The following SUGCT variants were observed in gnomAD, a reference collection of about 807,000 sequenced individuals.
SUGCT encodes the protein succinyl-CoA:glutarate CoA-transferase.
SUGCT carries 41 observed loss-of-function variants against 55.0 expected under a neutral mutation model. That is an observed-to-expected ratio of 0.74 (90% CI 0.58 to 0.97). The LOEUF (loss-of-function observed/expected upper bound fraction) is 0.97. Among genes scored for constraint, SUGCT ranks in the 50% least tolerant of loss-of-function variants. The pLI is 0.00. For missense variants in SUGCT, 568 were observed against 547.8 expected, an observed-to-expected ratio of 1.04 and a Z score of -0.37; for synonymous variants, 187 against 200.4, an observed-to-expected ratio of 0.93 and a Z score of 0.56.
chr7:40,650,268 T>A (rs1800711406), intron 12 of SUGCT, among the ~76,000 whole-genome samples: 1 of 152,204 alleles, frequency 6.6e-6, no homozygotes, highest in South Asian at 2.1e-4. Context: ...GACATTATGC[T>A]ACCTCTACCA....
intron 6 of SUGCT, among the ~76,000 whole-genome samples, chr7:40,224,695 C>T (rs1291085450): frequency 6.6e-6 from 1 of 152,084 alleles, no homozygotes; most frequent in African/African-American, 2.4e-5. Context: ...CTGTAAATGG[C>T]AAAAATATGC....
At chr7:40,349,006 G>A (rs1369625236) in intron 9 of SUGCT, among the ~76,000 whole-genome samples, 1 of 152,098 alleles carries the variant, frequency 6.6e-6, no homozygotes, top group Non-Finnish European at 1.5e-5. Flanking sequence ...TGCACCTGGA[G>A]GACTCTGTTC....
At chr7:40,411,631 G>A (rs1414550505) in intron 9 of SUGCT, among the ~76,000 whole-genome samples, 4 of 152,088 alleles carry the variant, frequency 2.6e-5, no homozygotes, top group Non-Finnish European at 5.9e-5. Flanking sequence ...GCAGGGAGAG[G>A]GGGGACAAAC....
rs141718618 is a variant in SUGCT at position 40,229,369 on chromosome 7, A to G, written c.485-8266A>G. The stretch of plus-strand genomic sequence containing the variant: ...CCCTGTCTCTACTAAAAATACAAAC[A>G]TTAACCGGGCATGGTGGCATGCGCC... On this transcript the variant is annotated intron_variant, in intron 6 of 13. Coordinates refer to ENST00000335693, the MANE Select transcript of SUGCT (RefSeq NM_001193313.2). Among the ~76,000 whole-genome samples the G allele has an allele frequency of 2.7e-3, 416 of 152,254 alleles. 1 individual carries two copies. Among genetic ancestry groups the G allele is most frequent in the African/African-American group, 9.5e-3 (394 of 41,532 alleles).
chr7:40,499,117 C>T (rs1459781701), intron 12 of SUGCT: 5 of 456,532 alleles, frequency 1.1e-5, no homozygotes, highest in East Asian at 6.9e-5. Context: ...ACCACTGGCG[C>T]GTGTGGCCCA....
chr7:40,333,289 G>A (rs1296725683), intron 9 of SUGCT, among the ~76,000 whole-genome samples: 1 of 151,912 alleles, frequency 6.6e-6, no homozygotes, highest in Non-Finnish European at 1.5e-5. Context: ...AATAATGCTG[G>A]ACAAATATAT....
intron 12 of SUGCT, among the ~76,000 whole-genome samples, chr7:40,650,458 A>G (rs1299140860): frequency 6.6e-6 from 1 of 152,168 alleles, no homozygotes; most frequent in Non-Finnish European, 1.5e-5. Flanking sequence ...GAGATCATTT[A>G]GAGGAATCCA....
chr7:40,651,409 A>T (rs908791676), intron 12 of SUGCT, among the ~76,000 whole-genome samples: 1 of 150,060 alleles, frequency 6.7e-6, no homozygotes, highest in East Asian at 1.9e-4. Flanking sequence ...GTGTCTGTTC[A>T]TGTCCTTTGC....
chr7:40,967,596 G>A, the SUGCT span, among the ~76,000 whole-genome samples: 2 of 151,758 alleles, frequency 1.3e-5, no homozygotes, highest in Admixed American at 1.3e-4. Context: ...CCAAATTATG[G>A]GAACTTCTGG....
chr7:40,542,256 A>G (rs1315762342), intron 12 of SUGCT, among the ~76,000 whole-genome samples: 2 of 152,218 alleles, frequency 1.3e-5, no homozygotes, highest in Non-Finnish European at 2.9e-5. Flanking sequence ...CATCATCATC[A>G]TCATCATCAT....
At chr7:40,913,441 A>G in the SUGCT span, among the ~76,000 whole-genome samples, 2 of 152,218 alleles carry the variant, frequency 1.3e-5, no homozygotes, top group Admixed American at 1.3e-4. Flanking sequence ...CAATCTAAAT[A>G]AAACAGTACC....
intron 9 of SUGCT, among the ~76,000 whole-genome samples, chr7:40,361,370 C>T (rs1018925686): frequency 6.6e-5 from 10 of 151,910 alleles, no homozygotes; most frequent in East Asian, 1.9e-4. Context: ...GTCAGGAGAT[C>T]GAGACCATCC....
chr7:40,398,570 C>T (rs1006971027), intron 9 of SUGCT, among the ~76,000 whole-genome samples: 9 of 149,396 alleles, frequency 6.0e-5, no homozygotes, highest in Middle Eastern at 3.4e-3. Context: ...TTATGCTTCC[C>T]GGGATCATGT....
intron 12 of SUGCT, among the ~76,000 whole-genome samples, chr7:40,637,540 T>C (rs773004424): frequency 6.6e-6 from 1 of 152,230 alleles, no homozygotes; most frequent in Non-Finnish European, 1.5e-5. Context: ...TGTTAATTCT[T>C]TAACATCAGA....
At chr7:40,221,494 C>CTTTTTTTTTTT (rs1452847552) in intron 6 of SUGCT, among the ~76,000 whole-genome samples, 1 of 130,598 alleles carries the variant, frequency 7.7e-6, no homozygotes, top group Non-Finnish European at 1.6e-5. Flanking sequence ...TGTTATTGGT[C>CTTTTTTTTTTT]TTTTTTTTTT....
At chr7:40,922,724 G>C in the SUGCT span, among the ~76,000 whole-genome samples, 1 of 152,226 alleles carries the variant, frequency 6.6e-6, no homozygotes, top group Non-Finnish European at 1.5e-5. Flanking sequence ...GCCCTTGACA[G>C]TTGCCTCGAG....
intron 6 of SUGCT, among the ~76,000 whole-genome samples, 162 bp downstream of exon 6, chr7:40,195,222 C>CTTTTTTTTTT (rs11326653): frequency 3.0e-5 from 3 of 101,272 alleles, no homozygotes; most frequent in Admixed American, 1.1e-4. Context: ...TTTCTTTTTT[C>CTTTTTTTTTT]TTTTTTTTTT....
chr7:40,690,567 C>T (rs1784649635), intron 12 of SUGCT, among the ~76,000 whole-genome samples: 1 of 151,708 alleles, frequency 6.6e-6, no homozygotes, highest in South Asian at 2.1e-4. Flanking sequence ...TCAATTCATC[C>T]CTATAATTTT....
At chr7:40,843,212 GA>G (rs34437681) in intron 13 of SUGCT, among the ~76,000 whole-genome samples, 1 of 152,068 alleles carries the variant, frequency 6.6e-6, no homozygotes, top group Admixed American at 6.6e-5. Flanking sequence ...GTGGCAGGAT[GA>G]AAAAAAGTAG....
Sources: gnomAD v4.1 joint callset for allele counts (sites outside exome capture counted in the v4.1 genomes callset) on GRCh38, gnomAD v4.1.1 for gene constraint, MANE v1.5 for transcripts, NCBI Gene and HGNC (gene_info 2026-07-23, HGNC 2026-07-21) for gene names.